The following RAF1 variants were observed in gnomAD, a reference collection of about 807,000 sequenced individuals.
RAF1 encodes the protein RAF proto-oncogene serine/threonine-protein kinase.
RAF1 carries 27 observed loss-of-function variants against 81.1 expected under a neutral mutation model. The observed-to-expected ratio is 0.33, with a 90% CI of 0.25 to 0.46. The LOEUF (loss-of-function observed/expected upper bound fraction) is 0.46, where lower values mean the gene tolerates loss of function less well. RAF1 is among the 20% of genes least tolerant of loss of function. The probability of loss-of-function intolerance (pLI) is 1.00; values close to 1 mark genes in which losing one functional copy is unlikely to be tolerated. For synonymous variants in RAF1, 298 were observed against 294.0 expected (o/e 1.01, Z -0.14); for missense variants, 598 against 826.0 (o/e 0.72, Z 3.38).
Position 12,607,543 on chromosome 3 carries a change from GA to G in RAF1, c.581+1222del, listed in dbSNP as rs747011310. Reference sequence around the variant, plus strand: ...TACACTTGTAGTCCCAGCTACTCAGGAGGCTGAGGTAGGAGGATTACTTGAA... The same window carrying G: ...TACACTTGTAGTCCCAGCTACTCAGGGGCTGAGGTAGGAGGATTACTTGAA... On this transcript the variant is annotated intron_variant, in intron 5 of 17. Transcript: ENST00000442415. Among the ~76,000 whole-genome samples the G allele has an allele frequency of 7.9e-5, 12 of 152,168 alleles. 1 individual carries two copies. Among genetic ancestry groups the G allele is most frequent in the Admixed American group, 1.3e-4 (2 of 15,280 alleles).
intron 7 of RAF1, among the ~76,000 whole-genome samples, 187 bp downstream of exon 7, chr3:12,603,949 G>A (rs2058944238): frequency 1.3e-5 from 2 of 152,190 alleles, no homozygotes; most frequent in South Asian, 4.1e-4. Flanking sequence ...CCAGTTGAAT[G>A]ATATACTAAC....
intron 11 of RAF1, among the ~76,000 whole-genome samples, chr3:12,598,753 A>AC (rs752234142): frequency 7.3e-6 from 1 of 136,986 alleles, no homozygotes; most frequent in Non-Finnish European, 1.6e-5. Context: ...AAAAAAAAAA[A>AC]CCACCAAGTA....
intron 1 of RAF1, among the ~76,000 whole-genome samples, chr3:12,619,520 G>A (rs192606610): frequency 2.0e-5 from 3 of 150,454 alleles, no homozygotes; most frequent in Non-Finnish European, 4.4e-5. Context: ...AGTCGATATC[G>A]TGTCATTGCA....
At chr3:12,605,250 A>ATGTGTGTATGTGTG (rs1553614001) in intron 6 of RAF1, among the ~76,000 whole-genome samples, 1 of 144,538 alleles carries the variant, frequency 6.9e-6, no homozygotes, top group Non-Finnish European at 1.5e-5. Flanking sequence ...ATTACACATT[A>ATGTGTGTATGTGTG]TGTGTGTGTG....
At chr3:12,587,226 G>T in intron 14 of RAF1, 1 of 274,602 alleles carries the variant, frequency 3.6e-6, no homozygotes, top group Admixed American at 4.9e-5. Context: ...ACATACACAC[G>T]CTGGCCACAA....
At chr3:12,600,450 A>T in intron 8 of RAF1, 35 bp from the exon 8 acceptor site, 1 of 1,612,944 alleles carries the variant, frequency 6.2e-7, no homozygotes, top group Non-Finnish European at 8.5e-7. Flanking sequence ...CAACTCCTAC[A>T]CACAAAAGAT....
chr3:12,590,712 A>G (rs1281868165), intron 13 of RAF1, 86 bp downstream of exon 12: 1 of 1,414,886 alleles, frequency 7.1e-7, no homozygotes, highest in African/African-American at 1.4e-5. Context: ...CGCTTAATGG[A>G]CTAGAAGGCT....
chr3:12,597,490 TAA>T (rs1428197468), intron 11 of RAF1, among the ~76,000 whole-genome samples: 1 of 152,196 alleles, frequency 6.6e-6, no homozygotes, highest in Non-Finnish European at 1.5e-5. Context: ...ACAGAAGCAA[TAA>T]ATGCAATATC....
At chr3:12,596,338 C>T (rs956333806) in intron 11 of RAF1, among the ~76,000 whole-genome samples, 1 of 151,872 alleles carries the variant, frequency 6.6e-6, no homozygotes, top group African/African-American at 2.4e-5. Context: ...GGATTACAGG[C>T]GCATGCCATC....
chr3:12,604,179 T>A lies in RAF1; in HGVS notation c.791A>T (p.His264Leu), dbSNP rs1057517887. The change falls in exon 7 of 18, where the codon CAC becomes CTC. Residue 264 changes from histidine to leucine, a missense_variant. Coordinates refer to ENST00000442415, the MANE Select transcript of RAF1 (RefSeq NM_001354689.3). ...CACAGGCAGGGTGGTGCTGACCATG[T>A]GGACATTAGGTGTGGATGTCGACCT... The A allele has an allele frequency of 6.2e-7, 1 of 1,614,046 alleles. No individual in the cohort carries two copies. Among genetic ancestry groups the A allele is most frequent in the Non-Finnish European group, 8.5e-7 (1 of 1,180,034 alleles).
rs1023679603 is a variant in RAF1, at chr3:12,606,217, A to C, written c.664T>G (p.Ser222Ala). Reference sequence around the variant, plus strand: ...AAAAATTACCTAACAGGCATCCTGGAAACAGACTCTCGCATACGACGCATA... The same window carrying C: ...AAAAATTACCTAACAGGCATCCTGGCAACAGACTCTCGCATACGACGCATA... The change falls in exon 6 of 18, where the codon TCC (serine) becomes GCC (alanine). Residue 222 changes from serine to alanine, a missense_variant. Physicochemically the swap from Ser to Ala is moderately conservative, Grantham distance 99. Around this residue, in one of 5 missense-constraint regions of RAF1, gnomAD observed 194 missense variants for 202.7 expected, o/e 0.96. Transcript: ENST00000442415. The C allele has an allele frequency of 6.2e-7, 1 of 1,613,734 alleles. No homozygotes were observed. The highest frequency in any genetic ancestry group is 8.5e-7 in the Non-Finnish European group (1 of 1,179,626).
chr3:12,639,945 A>G (rs2060134538), intron 1 of RAF1, among the ~76,000 whole-genome samples: 1 of 152,210 alleles, frequency 6.6e-6, no homozygotes, highest in African/African-American at 2.4e-5. Context: ...AGCTGGAGGC[A>G]TCATGCTACC....
At chr3:12,628,034 C>T (rs1415538168) in intron 1 of RAF1, among the ~76,000 whole-genome samples, 4 of 152,180 alleles carry the variant, frequency 2.6e-5, no homozygotes, top group African/African-American at 9.6e-5. Context: ...GCAGGATAAT[C>T]GCTTGAACCT....
At chr3:12,633,424 G>A (rs1466652353) in intron 1 of RAF1, among the ~76,000 whole-genome samples, 4 of 151,254 alleles carry the variant, frequency 2.6e-5, no homozygotes, top group African/African-American at 9.7e-5. Flanking sequence ...GCTGCCAAGA[G>A]CTGTGATTGT....
chr3:12,600,332 C>A, intron 9 of RAF1, 53 bp from the exon 9 acceptor site: 1 of 1,614,070 alleles, frequency 6.2e-7, no homozygotes, highest in Non-Finnish European at 8.5e-7. Flanking sequence ...ACAGAAGATA[C>A]ACCGCATAAA....
At chr3:12,623,789 CTCTGTCTCAAA>C (rs2059618220) in intron 1 of RAF1, among the ~76,000 whole-genome samples, 1 of 95,504 alleles carries the variant, frequency 1.0e-5, no homozygotes, top group South Asian at 4.0e-4. Flanking sequence ...CAGAGCGAGA[CTCTGTCTCAAA>C]AAAAAAAAAA....
In RAF1 at chr3:12,609,343, G is replaced by C; in HGVS notation, c.321-8C>G. 6.3e-7 allele frequency: 1 copy of C among 1,580,136 alleles called. No individual in the cohort carries two copies. Among genetic ancestry groups the C allele is most frequent in the Non-Finnish European group, 8.7e-7 (1 of 1,149,750 alleles). ...TCTAAGCGTGCTTTTTTACTAGAAA[G>C]GATTTAAAAAAAACATGAAATGTTT... On this transcript the variant is annotated splice_polypyrimidine_tract_variant and splice_region_variant and intron_variant, in intron 3 of 17. Coordinates refer to ENST00000442415, the MANE Select transcript of RAF1 (RefSeq NM_001354689.3).
At chr3:12,589,910 C>G (rs901877880) in intron 13 of RAF1, 10 of 151,554 alleles carry the variant, frequency 6.6e-5, no homozygotes, top group African/African-American at 2.2e-4. Context: ...TCTGCCTCAG[C>G]CTCCCGAGTA....
At chr3:12,608,546 C>G in intron 5 of RAF1, 1 of 578,300 alleles carries the variant, frequency 1.7e-6, no homozygotes, top group South Asian at 2.0e-5. Flanking sequence ...CTCAATTTGA[C>G]AGATAACAAG....
Sources: allele counts gnomAD v4.1 joint callset (sites outside exome capture counted in the v4.1 genomes callset), GRCh38; gene constraint gnomAD v4.1.1; regional missense constraint gnomAD v4.1.1; transcripts MANE v1.5; gene names NCBI Gene and HGNC (gene_info 2026-07-23, HGNC 2026-07-21).